Variants in ZNF804B observed in about 807,000 individuals in gnomAD.
ZNF804B encodes the protein zinc finger 804B.
In ZNF804B, 80 loss-of-function variants were observed where a neutral mutation model predicts 101.4. The observed-to-expected ratio is 0.79, with a 90% CI of 0.66 to 0.95. The LOEUF is 0.95. ZNF804B is among the 40% of genes least tolerant of loss of function. ZNF804B has a pLI of 0.00. For synonymous variants in ZNF804B, 622 were observed against 558.8 expected, an observed-to-expected ratio of 1.11 and a Z score of -1.59; for missense variants, 1,673 against 1,561.9, an observed-to-expected ratio of 1.07 and a Z score of -1.20.
intron 2 of ZNF804B, among the ~76,000 whole-genome samples, chr7:89,268,359 T>C (rs912097542): frequency 3.9e-5 from 6 of 152,160 alleles, no homozygotes; most frequent in Admixed American, 2.6e-4. Context: ...TCAGTCAATA[T>C]TGGCTTTCCT....
intron 1 of ZNF804B, among the ~76,000 whole-genome samples, chr7:88,947,191 T>C (rs569683565): frequency 6.6e-6 from 1 of 152,124 alleles, no homozygotes; most frequent in South Asian, 2.1e-4. Flanking sequence ...TTATAAATCA[T>C]TCTACTATAA....
intron 1 of ZNF804B, among the ~76,000 whole-genome samples, chr7:88,870,034 CT>C (rs1335038131): frequency 6.6e-6 from 1 of 152,164 alleles, no homozygotes; most frequent in African/African-American, 2.4e-5. Context: ...GGGATGGCCT[CT>C]GTAATTCTAC....
At chr7:88,777,846 T>TAAAAA (rs3084379) in intron 1 of ZNF804B, among the ~76,000 whole-genome samples, 13 of 107,584 alleles carry the variant, frequency 1.2e-4, no homozygotes, top group Non-Finnish European at 2.5e-4. Flanking sequence ...AGACTCCATC[T>TAAAAA]AAAAAAAAAA....
At chr7:88,840,663 G>A (rs941692201) in intron 1 of ZNF804B, among the ~76,000 whole-genome samples, 7 of 151,996 alleles carry the variant, frequency 4.6e-5, no homozygotes, top group Admixed American at 6.6e-5. Context: ...GGATAGTTTT[G>A]AACTGAGATG....
chr7:89,318,245 G>A (rs1790762567), intron 2 of ZNF804B, among the ~76,000 whole-genome samples: 2 of 152,272 alleles, frequency 1.3e-5, no homozygotes, highest in Admixed American at 6.5e-5. Context: ...ATGGAAAGAG[G>A]AGGAGGCAAA....
intron 1 of ZNF804B, among the ~76,000 whole-genome samples, chr7:89,190,076 T>A (rs1374631228): frequency 6.6e-6 from 1 of 152,078 alleles, no homozygotes; most frequent in Non-Finnish European, 1.5e-5. Flanking sequence ...CATAAACGAC[T>A]TTGAGGGGTT....
chr7:88,989,813 G>A (rs1793818621), intron 1 of ZNF804B, among the ~76,000 whole-genome samples: 1 of 151,982 alleles, frequency 6.6e-6, no homozygotes, highest in Non-Finnish European at 1.5e-5. Flanking sequence ...GAATCACTAC[G>A]AAATCTAAAA....
At chr7:88,823,043 T>C (rs1055618485) in intron 1 of ZNF804B, among the ~76,000 whole-genome samples, 2 of 151,920 alleles carry the variant, frequency 1.3e-5, no homozygotes, top group African/African-American at 4.8e-5. Context: ...ACCCCATCTC[T>C]ACAAAAAAAT....
intron 1 of ZNF804B, among the ~76,000 whole-genome samples, chr7:89,085,793 C>T (rs1486521535): frequency 6.6e-6 from 1 of 151,900 alleles, no homozygotes; most frequent in Non-Finnish European, 1.5e-5. Flanking sequence ...TAATCTTTGT[C>T]TGCATTTCAT....
intron 1 of ZNF804B, among the ~76,000 whole-genome samples, chr7:89,033,162 C>T (rs2116234599): frequency 6.6e-6 from 1 of 152,138 alleles, no homozygotes; most frequent in South Asian, 2.1e-4. Context: ...ACCATTCTAA[C>T]CTCTGCTACT....
At chr7:89,064,053 G>A (rs549767254) in intron 1 of ZNF804B, among the ~76,000 whole-genome samples, 51 of 152,244 alleles carry the variant, frequency 3.3e-4, no homozygotes, top group African/African-American at 6.3e-4. Context: ...AGAGTTTAGC[G>A]TTCAGAATAT....
Position 89,257,818 on chromosome 7 carries a change from T to G in ZNF804B, c.249+39523T>G, listed in dbSNP as rs537273666. Among the ~76,000 whole-genome samples the G allele has an allele frequency of 2.8e-4, 43 of 152,272 alleles. No homozygotes were observed. In the South Asian group the frequency reaches 8.7e-3, roughly 31 times the overall value. On this transcript the variant is annotated intron_variant, in intron 2 of 3. Transcript: ENST00000333190. The stretch of plus-strand genomic sequence containing the variant: ...CTGTTATTCCCTTCTTGTGTTCCTA[T>G]GTACTCTATGTTTAGCTCCCACTTA...
intron 1 of ZNF804B, among the ~76,000 whole-genome samples, chr7:88,946,909 A>C (rs1180098914): frequency 6.6e-6 from 1 of 151,782 alleles, no homozygotes; most frequent in African/African-American, 2.4e-5. Flanking sequence ...AAACATACGA[A>C]AAAAAAGCTC....
intron 1 of ZNF804B, among the ~76,000 whole-genome samples, chr7:88,904,352 T>G (rs1477578126): frequency 6.6e-6 from 1 of 152,180 alleles, no homozygotes; most frequent in Non-Finnish European, 1.5e-5. Flanking sequence ...TTGGTTCCTG[T>G]AGCCTTATAG....
intron 1 of ZNF804B, among the ~76,000 whole-genome samples, chr7:89,025,435 A>G (rs1788734094): frequency 6.6e-6 from 1 of 152,152 alleles, no homozygotes; most frequent in Admixed American, 6.6e-5. Flanking sequence ...CAAAAATTAT[A>G]CTATTATAAA....
At position 89,058,355 on chromosome 7, in the gene ZNF804B, G is replaced by A. The variant is rs377211641; in HGVS notation, c.109-159800G>A. On this transcript the variant is annotated intron_variant, in intron 1 of 3. Transcript: ENST00000333190. ...TAAAGATCATAAAACAGAAAATTTA[G>A]CACAAGCTTGAGAAAGATATTTTAT... Among the ~76,000 whole-genome samples the A allele has an allele frequency of 2.0e-5, 3 of 152,040 alleles. No homozygotes were observed. The South Asian group carries it at 6.2e-4, about 32-fold the overall frequency.
chr7:88,826,960 C>T (rs952381208), intron 1 of ZNF804B, among the ~76,000 whole-genome samples: 1 of 151,966 alleles, frequency 6.6e-6, no homozygotes, highest in Non-Finnish European at 1.5e-5. Flanking sequence ...AAACAGTTGT[C>T]CCCATTATTC....
chr7:89,295,656 A>G (rs1278417047), intron 2 of ZNF804B, among the ~76,000 whole-genome samples: 4 of 152,078 alleles, frequency 2.6e-5, no homozygotes, highest in African/African-American at 7.2e-5. Flanking sequence ...AATACAGATT[A>G]TGTACACAGT....
chr7:89,228,743 T>G (rs1320819917), intron 2 of ZNF804B, among the ~76,000 whole-genome samples: 1 of 152,194 alleles, frequency 6.6e-6, no homozygotes, highest in Non-Finnish European at 1.5e-5. Flanking sequence ...TGGAGCTGCC[T>G]GCCAGTCCTG....
Sources: allele counts gnomAD v4.1 joint callset (sites outside exome capture counted in the v4.1 genomes callset), GRCh38; gene constraint gnomAD v4.1.1; transcripts MANE v1.5; gene names NCBI Gene and HGNC (gene_info 2026-07-23, HGNC 2026-07-21).